CDC42BPA: variants seen among roughly 807,000 people sequenced by gnomAD.
CDC42BPA encodes the protein serine/threonine-protein kinase MRCK alpha.
Under a neutral mutation model 223.5 loss-of-function variants are expected in CDC42BPA, and 80 were observed. The observed-to-expected ratio is 0.36, with a 90% CI of 0.30 to 0.43. The LOEUF (loss-of-function observed/expected upper bound fraction) is 0.43, where lower values mean the gene tolerates loss of function less well. CDC42BPA is among the 20% of genes least tolerant of loss of function. The pLI, the probability that CDC42BPA is intolerant of heterozygous loss-of-function variation, is 1.00. For synonymous variants in CDC42BPA, 694 were observed against 718.6 expected (o/e 0.97, Z 0.55); for missense variants, 1,743 against 2,099.9 (o/e 0.83, Z 3.32).
chr1:226,999,690 G>C (rs745969263), intron 35 of CDC42BPA, among the ~76,000 whole-genome samples: 2 of 152,034 alleles, frequency 1.3e-5, no homozygotes, highest in Non-Finnish European at 2.9e-5. Flanking sequence ...CAAAGATTTG[G>C]AACCAACCCA....
At chr1:227,235,036 T>G (rs1678739803) in intron 2 of CDC42BPA, 1 of 152,132 alleles carries the variant, frequency 6.6e-6, no homozygotes, top group African/African-American at 2.4e-5. Context: ...TGTTTTACAG[T>G]AAACCTTCAA....
chr1:227,081,447 T>C, intron 16 of CDC42BPA, among the ~76,000 whole-genome samples: 1 of 141,354 alleles, frequency 7.1e-6, no homozygotes, highest in East Asian at 2.1e-4. Context: ...GTACGCCTGT[T>C]CTCTCTCTCT....
At chr1:227,162,475 A>G (rs1664092113) in intron 5 of CDC42BPA, among the ~76,000 whole-genome samples, 1 of 152,186 alleles carries the variant, frequency 6.6e-6, no homozygotes, top group South Asian at 2.1e-4. Flanking sequence ...AAATGTCTTT[A>G]TAAATGACAC....
At chr1:227,150,218 C>A in intron 6 of CDC42BPA, among the ~76,000 whole-genome samples, 1 of 102,454 alleles carries the variant, frequency 9.8e-6, no homozygotes, top group Non-Finnish European at 2.0e-5. Flanking sequence ...GAGTGAAACC[C>A]TGTCTCAAAA....
At chr1:227,115,888 T>A (rs114312101) in intron 12 of CDC42BPA, among the ~76,000 whole-genome samples, 7,435 of 149,996 alleles carry the variant, frequency 0.05, 229 homozygotes, top group Non-Finnish European at 0.072. Flanking sequence ...AAAAAACACG[T>A]CAATCTCACT....
intron 30 of CDC42BPA, among the ~76,000 whole-genome samples, chr1:227,027,761 C>T (rs1024531433): frequency 1.3e-5 from 2 of 152,160 alleles, no homozygotes; most frequent in African/African-American, 4.8e-5. Flanking sequence ...AACTCATATT[C>T]AATGGCACAT....
chr1:227,166,249 T>C (rs2149867220), intron 5 of CDC42BPA, among the ~76,000 whole-genome samples: 1 of 152,352 alleles, frequency 6.6e-6, no homozygotes, highest in African/African-American at 2.4e-5. Context: ...ACGGAAACTC[T>C]CCTAACCTTC....
chr1:227,052,050 G>C, intron 21 of CDC42BPA, 65 bp from the exon 22 acceptor site: 1 of 889,582 alleles, frequency 1.1e-6, no homozygotes, highest in Non-Finnish European at 1.7e-6. Flanking sequence ...TGCAGGCTTA[G>C]CAAATTTCTG....
At chr1:227,130,944 T>C (rs1656972710) in intron 10 of CDC42BPA, among the ~76,000 whole-genome samples, 1 of 152,198 alleles carries the variant, frequency 6.6e-6, no homozygotes, top group Non-Finnish European at 1.5e-5. Flanking sequence ...ACCACAGGTA[T>C]GAAGGTGGGG....
intron 3 of CDC42BPA, among the ~76,000 whole-genome samples, chr1:227,210,140 G>C (rs1406549282): frequency 6.6e-6 from 1 of 152,164 alleles, no homozygotes; most frequent in Non-Finnish European, 1.5e-5. Flanking sequence ...ATTTGGGTTG[G>C]TTCCAAGTCT....
intron 1 of CDC42BPA, among the ~76,000 whole-genome samples, chr1:227,275,557 TA>T: frequency 6.6e-6 from 1 of 151,576 alleles, no homozygotes; most frequent in African/African-American, 2.4e-5. Flanking sequence ...ATGACACAAA[TA>T]AACAATATTA....
intron 2 of CDC42BPA, among the ~76,000 whole-genome samples, chr1:227,231,234 T>C (rs1269919129): frequency 7.3e-6 from 1 of 136,610 alleles, no homozygotes. Flanking sequence ...GAATATGCGG[T>C]GTTGTTTTCT....
chr1:227,034,902 T>A, intron 25 of CDC42BPA, 108 bp from the exon 26 acceptor site: 1 of 985,686 alleles, frequency 1.0e-6, no homozygotes, highest in Non-Finnish European at 1.4e-6. Context: ...TGTACACGTT[T>A]TATAAGTCTG....
chr1:227,180,073 G>C (rs906173000), intron 5 of CDC42BPA, among the ~76,000 whole-genome samples: 1 of 152,020 alleles, frequency 6.6e-6, no homozygotes, highest in African/African-American at 2.4e-5. Context: ...GGGCATGGTG[G>C]CACAAACCTG....
At chr1:227,161,636 G>T (rs887673621) in intron 5 of CDC42BPA, among the ~76,000 whole-genome samples, 1 of 152,154 alleles carries the variant, frequency 6.6e-6, no homozygotes, top group African/African-American at 2.4e-5. Context: ...AGTAAATTAT[G>T]GCCCACGGCC....
chr1:227,194,179 AT>A (rs1670277553), intron 4 of CDC42BPA, among the ~76,000 whole-genome samples: 1 of 152,194 alleles, frequency 6.6e-6, no homozygotes, highest in African/African-American at 2.4e-5. Context: ...CCATTGTTGT[AT>A]TTTGCAAAGA....
Position 226,991,036 on chromosome 1 carries a change from G to T in CDC42BPA, c.*3232C>A, listed in dbSNP as rs1477323490. On this transcript the variant is annotated 3_prime_UTR_variant, in exon 37 of 37. Transcript: ENST00000366766. ...ACATACATAATAACAAAAAATGTAA[G>T]ATCTACTTTAGCAATCATTTGACAA... 6.6e-6 allele frequency: 1 copy of T among 152,548 alleles called. No homozygotes were observed. Among genetic ancestry groups the T allele is most frequent in the African/African-American group, 2.4e-5 (1 of 41,412 alleles). The allele number at this position is 152,548 out of a possible 1,614,324, so 9.4% of individuals were successfully genotyped here.
At chr1:227,201,671 GCACACACATA>G (rs549700724) in intron 3 of CDC42BPA, among the ~76,000 whole-genome samples, 16,746 of 123,956 alleles carry the variant, frequency 0.14, 1,187 homozygotes, top group South Asian at 0.23. Context: ...ATGTGCACGT[GCACACACATA>G]CACACACACA....
rs7515579 is a variant in CDC42BPA, at chr1:227,297,347, C to T, written c.178+19658G>A. 5.4e-3 allele frequency among the ~76,000 whole-genome samples: 818 copies of T among 152,254 alleles called. 4 individuals are homozygous for T. The highest frequency in any genetic ancestry group is 8.0e-3 in the Non-Finnish European group (544 of 68,010). On this transcript the variant is annotated intron_variant, in intron 1 of 36. Coordinates refer to ENST00000366766, the MANE Select transcript of CDC42BPA (RefSeq NM_001394014.1). ...ATACATTGCTGGTGGGAATGTATGA[C>T]GGTACCACTGCTTTGAAAAACAGTT...
Sources: gnomAD v4.1 joint callset for allele counts (sites outside exome capture counted in the v4.1 genomes callset) on GRCh38, gnomAD v4.1.1 for gene constraint, MANE v1.5 for transcripts, NCBI Gene and HGNC (gene_info 2026-07-23, HGNC 2026-07-21) for gene names.